Variants in PCOLCE2 observed in about 807,000 individuals in gnomAD.
PCOLCE2 encodes the protein procollagen C-proteinase enhancer 2.
PCOLCE2 carries 42 observed loss-of-function variants against 47.0 expected under a neutral mutation model. The ratio of observed to expected loss-of-function variants is 0.89; its 90% confidence interval spans 0.70 to 1.16. PCOLCE2 has a LOEUF of 1.16. Among genes scored for constraint, PCOLCE2 ranks in the 50% most tolerant of loss-of-function variants. PCOLCE2 has a pLI of 0.00. For missense variants in PCOLCE2, 500 were observed against 526.1 expected, an observed-to-expected ratio of 0.95 and a Z score of 0.49; for synonymous variants, 169 against 191.7, an observed-to-expected ratio of 0.88 and a Z score of 0.98.
intron 2 of PCOLCE2, among the ~76,000 whole-genome samples, chr3:142,880,865 T>C (rs1310888292): frequency 6.6e-6 from 1 of 152,248 alleles, no homozygotes; most frequent in African/African-American, 2.4e-5. Flanking sequence ...TTATCCAGTC[T>C]TAGAGTAGCA....
intron 6 of PCOLCE2, among the ~76,000 whole-genome samples, chr3:142,825,175 A>G (rs544281025): frequency 6.6e-6 from 1 of 152,274 alleles, no homozygotes; most frequent in South Asian, 2.1e-4. Flanking sequence ...AACTGAGTCA[A>G]AAAGTTGTGG....
chr3:142,862,448 T>C (rs1483273477), intron 2 of PCOLCE2, among the ~76,000 whole-genome samples: 1 of 152,236 alleles, frequency 6.6e-6, no homozygotes, highest in East Asian at 1.9e-4. Flanking sequence ...TCATGTACTA[T>C]TAATTCTGTT....
chr3:142,818,684 G>A (rs72992635), intron 8 of PCOLCE2, among the ~76,000 whole-genome samples: 6 of 152,088 alleles, frequency 3.9e-5, no homozygotes, highest in African/African-American at 1.2e-4. Context: ...GAACTTAAGC[G>A]ATTCTCCTGC....
intron 3 of PCOLCE2, chr3:142,843,299 CTT>C: frequency 1.9e-6 from 1 of 537,918 alleles, no homozygotes; most frequent in South Asian, 1.6e-5. Context: ...GGCCTCTTTT[CTT>C]TTTTTTTCCT....
At chr3:142,839,132 A>T (rs556519343) in intron 4 of PCOLCE2, among the ~76,000 whole-genome samples, 9 of 152,298 alleles carry the variant, frequency 5.9e-5, no homozygotes, top group African/African-American at 1.9e-4. Flanking sequence ...TCAAACTCAG[A>T]TCAACTCTAG....
At chr3:142,820,123 T>C (rs1936996388) in intron 8 of PCOLCE2, among the ~76,000 whole-genome samples, 2 of 150,608 alleles carry the variant, frequency 1.3e-5, no homozygotes, top group South Asian at 2.1e-4. Context: ...TTTTTTTTTA[T>C]AGAAATAGGG....
chr3:142,882,449 T>C (rs1450173034), intron 2 of PCOLCE2, among the ~76,000 whole-genome samples: 1 of 152,220 alleles, frequency 6.6e-6, no homozygotes, highest in Non-Finnish European at 1.5e-5. Flanking sequence ...GCTAGATTTA[T>C]GCTGAGAATA....
chr3:142,845,795 T>C (rs1937321224), intron 3 of PCOLCE2, among the ~76,000 whole-genome samples: 1 of 152,094 alleles, frequency 6.6e-6, no homozygotes, highest in Admixed American at 6.6e-5. Context: ...GCCAACATGG[T>C]GAAACACCGT....
intron 2 of PCOLCE2, chr3:142,864,470 C>T (rs1933243144): frequency 6.6e-6 from 1 of 152,160 alleles, no homozygotes; most frequent in South Asian, 2.1e-4. Flanking sequence ...AATCATAAAA[C>T]ACTTTTTTCC....
chr3:142,868,050 A>T (rs1475264721), intron 2 of PCOLCE2, among the ~76,000 whole-genome samples: 1 of 152,226 alleles, frequency 6.6e-6, no homozygotes, highest in Non-Finnish European at 1.5e-5. Context: ...AAGGAACAGG[A>T]GGAAACAATG....
At chr3:142,863,188 G>C (rs1933214450) in intron 2 of PCOLCE2, among the ~76,000 whole-genome samples, 2 of 150,950 alleles carry the variant, frequency 1.3e-5, no homozygotes, top group African/African-American at 4.9e-5. Flanking sequence ...TAATGTGGCA[G>C]AGGCCAGATG....
chr3:142,867,084 C>T (rs978602315), intron 2 of PCOLCE2, among the ~76,000 whole-genome samples: 2 of 152,182 alleles, frequency 1.3e-5, no homozygotes, highest in Non-Finnish European at 2.9e-5. Context: ...GTGAATGACA[C>T]GCCTGGTCAA....
chr3:142,850,305 C>A lies in PCOLCE2; in HGVS notation c.193-1833G>T, dbSNP rs547558814. ...AAAAAGTCCTAGCCATGAAAAGAAT[C>A]TCAAACTAATTTGTTTTTTTCCTGC... is the stretch of plus-strand genomic sequence containing the variant. On this transcript the variant is annotated intron_variant, in intron 2 of 8. Coordinates refer to ENST00000295992, the MANE Select transcript of PCOLCE2 (RefSeq NM_013363.4). Among the ~76,000 whole-genome samples, 15 of 152,262 alleles carry A rather than the reference C, an allele frequency of 9.9e-5. No individual in the cohort carries two copies. The South Asian group carries it at 3.1e-3, about 32-fold the overall frequency.
rs535200711 is a variant in PCOLCE2, at chr3:142,881,310, T to C, written c.192+6359A>G. 1.8e-4 allele frequency among the ~76,000 whole-genome samples: 27 copies of C among 152,346 alleles called. No individual in the cohort carries two copies. The South Asian group carries it at 5.0e-3, about 28-fold the overall frequency. On this transcript the variant is annotated intron_variant, in intron 2 of 8. Coordinates refer to ENST00000295992, the MANE Select transcript of PCOLCE2 (RefSeq NM_013363.4). ...CTTTAGACTTCAATTTCCCCATTTA[T>C]GAAATGGTCATACTAAGGTCTGTCA... is the stretch of plus-strand genomic sequence containing the variant.
At chr3:142,850,996 G>A (rs1560135574) in intron 2 of PCOLCE2, among the ~76,000 whole-genome samples, 1 of 152,226 alleles carries the variant, frequency 6.6e-6, no homozygotes, top group Non-Finnish European at 1.5e-5. Context: ...AACAGCTGGT[G>A]GAGTTGGCCT....
At chr3:142,841,708 G>A (rs893658095) in intron 4 of PCOLCE2, among the ~76,000 whole-genome samples, 4 of 151,922 alleles carry the variant, frequency 2.6e-5, no homozygotes, top group African/African-American at 9.7e-5. Flanking sequence ...TAACTTGCAT[G>A]GTATATTAGC....
chr3:142,888,980 C>CTCTCACACTGGCAGCAGCGCTG lies in PCOLCE2; in HGVS notation c.-85_-84insCAGCGCTGCTGCCAGTGTGAGA. 1.9e-6 allele frequency: 1 copy of CTCTCACACTGGCAGCAGCGCTG among 514,052 alleles called. No individual in the cohort carries two copies. Among genetic ancestry groups the CTCTCACACTGGCAGCAGCGCTG allele is most frequent in the Non-Finnish European group, 3.2e-6 (1 of 316,240 alleles). 31.8% of individuals were successfully genotyped at this position (514,052 alleles called of 1,614,324 possible). A position where few individuals can be genotyped will look rare whatever the true frequency, so the allele number is the denominator to read the frequency against. On this transcript the variant is annotated 5_prime_UTR_variant, in exon 1 of 9. Coordinates refer to ENST00000295992, the MANE Select transcript of PCOLCE2 (RefSeq NM_013363.4). ...TCCGCACCCACCGCGCTCACACCGCCGCTCACACTGGCAGCAGCGCTGGCT... is the reference window on the plus strand; with the variant it reads ...TCCGCACCCACCGCGCTCACACCGCCTCTCACACTGGCAGCAGCGCTGGCTCACACTGGCAGCAGCGCTGGCT...
chr3:142,820,137 C>T (rs1017946042), intron 8 of PCOLCE2, among the ~76,000 whole-genome samples: 8 of 151,240 alleles, frequency 5.3e-5, no homozygotes, highest in African/African-American at 1.9e-4. Context: ...AATAGGGTCT[C>T]ACTACATCAC....
At chr3:142,849,750 G>C (rs1238709246) in intron 2 of PCOLCE2, among the ~76,000 whole-genome samples, 3 of 152,058 alleles carry the variant, frequency 2.0e-5, no homozygotes, top group Non-Finnish European at 4.4e-5. Context: ...ACAAAACTCA[G>C]TGATTAAAAA....
Sources: allele counts gnomAD v4.1 joint callset (sites outside exome capture counted in the v4.1 genomes callset), GRCh38; gene constraint gnomAD v4.1.1; transcripts MANE v1.5; gene names NCBI Gene and HGNC (gene_info 2026-07-23, HGNC 2026-07-21).